DLC1: variants seen among roughly 807,000 people sequenced by gnomAD.
DLC1 encodes the protein DLC1 Rho GTPase activating protein, also known as rho GTPase-activating protein 7.
A neutral mutation model predicts 140.3 loss-of-function variants in DLC1; 54 were observed. That is an observed-to-expected ratio of 0.38 (90% CI 0.31 to 0.48). The LOEUF (loss-of-function observed/expected upper bound fraction) is 0.48, where lower values mean the gene tolerates loss of function less well. DLC1 is among the 20% of genes least tolerant of loss of function. The pLI, the probability that DLC1 is intolerant of heterozygous loss-of-function variation, is 0.96. For synonymous variants in DLC1, 986 were observed against 728.1 expected (o/e 1.35, Z -5.70); for missense variants, 2,536 against 1,907.0 (o/e 1.33, Z -6.14).
intron 2 of DLC1, among the ~76,000 whole-genome samples, chr8:13,405,638 A>G (rs1325081091): frequency 2.0e-5 from 3 of 152,066 alleles, no homozygotes; most frequent in Non-Finnish European, 4.4e-5. Flanking sequence ...AACATTTTAA[A>G]TTTTATGCCC....
chr8:13,491,104 T>A (rs2410059), intron 2 of DLC1, among the ~76,000 whole-genome samples: 109,484 of 147,350 alleles, frequency 0.74, 42,210 homozygotes, highest in Non-Finnish European at 0.86. Context: ...TTAATATTTT[T>A]TATATATATA....
At chr8:13,550,693 A>G (rs541617110) in intron 1 of DLC1, among the ~76,000 whole-genome samples, 1 of 152,248 alleles carries the variant, frequency 6.6e-6, no homozygotes, top group South Asian at 2.1e-4. Flanking sequence ...CTTTAATTAA[A>G]GCTTAAACAC....
intron 1 of DLC1, among the ~76,000 whole-genome samples, chr8:13,566,108 G>A (rs1804418060): frequency 6.6e-6 from 1 of 152,224 alleles, no homozygotes; most frequent in South Asian, 2.1e-4. Context: ...CATGATTTCT[G>A]CCTTCAGCCT....
intron 5 of DLC1, among the ~76,000 whole-genome samples, chr8:13,178,637 G>T (rs1825878310): frequency 8.5e-6 from 1 of 118,214 alleles, no homozygotes; most frequent in Admixed American, 9.2e-5. Flanking sequence ...ACACCATTAA[G>T]AGAGTGGAAG....
intron 7 of DLC1, among the ~76,000 whole-genome samples, chr8:13,108,280 T>C (rs1819764224): frequency 6.6e-6 from 1 of 152,126 alleles, no homozygotes; most frequent in African/African-American, 2.4e-5. Flanking sequence ...CCCTAGGCCT[T>C]TCTGCACATA....
intron 4 of DLC1, among the ~76,000 whole-genome samples, chr8:13,310,926 C>T (rs887016957): frequency 6.6e-6 from 1 of 152,068 alleles, no homozygotes; most frequent in African/African-American, 2.4e-5. Flanking sequence ...TTTACTATAT[C>T]CATGTATCAT....
chr8:13,274,742 T>C (rs1318598677), intron 5 of DLC1, among the ~76,000 whole-genome samples: 1 of 152,214 alleles, frequency 6.6e-6, no homozygotes, highest in Non-Finnish European at 1.5e-5. Flanking sequence ...ATGTTTGAAT[T>C]AGTCTTACTT....
intron 4 of DLC1, among the ~76,000 whole-genome samples, chr8:13,332,507 T>C (rs1219756490): frequency 2.6e-5 from 4 of 151,906 alleles, no homozygotes; most frequent in Non-Finnish European, 4.4e-5. Flanking sequence ...CTCGGCTCAT[T>C]GCAACCTCCA....
chr8:13,387,858 C>A (rs1018645809), intron 4 of DLC1, among the ~76,000 whole-genome samples: 10 of 151,986 alleles, frequency 6.6e-5, no homozygotes. Flanking sequence ...CAAAGACGTT[C>A]GCATGTTCAA....
chr8:13,501,757 G>C (rs1356840807), intron 1 of DLC1, among the ~76,000 whole-genome samples: 1 of 152,164 alleles, frequency 6.6e-6, no homozygotes, highest in South Asian at 2.1e-4. Context: ...AAAGTGGTCA[G>C]CCTTCACATT....
chr8:13,527,503 A>G (rs1287334787), intron 1 of DLC1, among the ~76,000 whole-genome samples: 6 of 152,126 alleles, frequency 3.9e-5, no homozygotes, highest in Admixed American at 6.6e-5. Context: ...TATTAAGGAA[A>G]ACGATGTTAT....
chr8:13,250,711 A>T (rs917622943), intron 5 of DLC1, among the ~76,000 whole-genome samples: 5 of 148,868 alleles, frequency 3.4e-5, no homozygotes, highest in Non-Finnish European at 7.4e-5. Flanking sequence ...GATAGAAGAG[A>T]TTTAAGCATG....
chr8:13,179,441 C>G (rs754753571), intron 5 of DLC1, among the ~76,000 whole-genome samples: 15 of 152,138 alleles, frequency 9.9e-5, no homozygotes, highest in South Asian at 6.2e-4. Context: ...GAATTAATGG[C>G]TGATTGCGGA....
At chr8:13,228,812 G>A (rs1300212225) in intron 5 of DLC1, among the ~76,000 whole-genome samples, 2 of 152,128 alleles carry the variant, frequency 1.3e-5, no homozygotes, top group Non-Finnish European at 1.5e-5. Flanking sequence ...CCAAATGGTC[G>A]ATGAGCATGA....
At chr8:13,362,779 C>T (rs912902834) in intron 4 of DLC1, among the ~76,000 whole-genome samples, 9 of 152,146 alleles carry the variant, frequency 5.9e-5, no homozygotes, top group Non-Finnish European at 1.2e-4. Flanking sequence ...AAGCATTCTA[C>T]TGTCTTTCCT....
chr8:13,520,967 A>G (rs540981552), intron 1 of DLC1, among the ~76,000 whole-genome samples: 7 of 152,304 alleles, frequency 4.6e-5, no homozygotes, highest in African/African-American at 1.7e-4. Flanking sequence ...TATCTTTAGT[A>G]TGTTCAAGAA....
At chr8:13,564,505 T>C (rs900721543) in intron 1 of DLC1, among the ~76,000 whole-genome samples, 47 of 152,310 alleles carry the variant, frequency 3.1e-4, no homozygotes, top group Admixed American at 2.6e-3. Context: ...GTCTCTCTTA[T>C]ACTTAAACTA....
At chr8:13,140,534 CTT>C (rs568013642) in intron 5 of DLC1, among the ~76,000 whole-genome samples, 1 of 146,144 alleles carries the variant, frequency 6.8e-6, no homozygotes, top group Non-Finnish European at 1.5e-5. Context: ...GCCTGGCCAA[CTT>C]TTTTTTTTTT....
At position 13,349,013 on chromosome 8, in the gene DLC1, A is replaced by C. The variant is rs539460788; in HGVS notation, c.1315-43711T>G. On this transcript the variant is annotated intron_variant, in intron 4 of 17. Coordinates refer to ENST00000276297, the MANE Select transcript of DLC1 (RefSeq NM_182643.3). ...GGGAGATGAAAAGAGAAGTGACTTT[A>C]TATGTAGCACTAAGATTCGTAGATC... 2.0e-5 allele frequency among the ~76,000 whole-genome samples: 3 copies of C among 152,294 alleles called. No homozygotes were observed. In the East Asian group the frequency reaches 5.8e-4, roughly 29 times the overall value.
Sources: allele counts gnomAD v4.1 joint callset (sites outside exome capture counted in the v4.1 genomes callset), GRCh38; gene constraint gnomAD v4.1.1; transcripts MANE v1.5; gene names NCBI Gene and HGNC (gene_info 2026-07-23, HGNC 2026-07-21).